Variants in HMG20A observed in about 807,000 individuals in gnomAD.
The protein encoded by HMG20A is high mobility group 20A.
In HMG20A, 17 loss-of-function variants were observed where a neutral mutation model predicts 43.9. That is an observed-to-expected ratio of 0.39 (90% CI 0.27 to 0.58). The LOEUF is 0.58. Among genes scored for constraint, HMG20A ranks in the 20% least tolerant of loss-of-function variants. The pLI is 0.59. For synonymous variants in HMG20A, 132 were observed against 147.5 expected (o/e 0.89, Z 0.76); for missense variants, 341 against 438.2 (o/e 0.78, Z 1.98).
chr15:77,501,919 T>C, the HMG20A span, among the ~76,000 whole-genome samples: 3 of 152,164 alleles, frequency 2.0e-5, no homozygotes, highest in East Asian at 1.9e-4. Context: ...GCCTTAACCA[T>C]GTATTCAATG....
chr15:77,501,593 C>A, the HMG20A span, among the ~76,000 whole-genome samples: 1 of 152,236 alleles, frequency 6.6e-6, no homozygotes, highest in Non-Finnish European at 1.5e-5. Context: ...CTATTCCCAT[C>A]ATTTAAAGCA....
intron 1 of HMG20A, among the ~76,000 whole-genome samples, chr15:77,443,379 G>GATGATT (rs576920554): frequency 0.019 from 2,512 of 131,258 alleles, 25 homozygotes; most frequent in Non-Finnish European, 0.025. Flanking sequence ...TGATGATGAT[G>GATGATT]ATTATTATTA....
At chr15:77,513,814 C>T in the HMG20A span, among the ~76,000 whole-genome samples, 1 of 151,960 alleles carries the variant, frequency 6.6e-6, no homozygotes, top group Non-Finnish European at 1.5e-5. Context: ...CAACCTCCAC[C>T]TCCCGGGTTC....
In HMG20A at chr15:77,471,825, A is replaced by G. The variant is rs1189695415; in HGVS notation, c.615+11A>G. Reference sequence around the variant, plus strand: ...ACTCATGATCATGAGGTAATTAGCCATCTGTCTACATATCATATATATGTA... The same window carrying G: ...ACTCATGATCATGAGGTAATTAGCCGTCTGTCTACATATCATATATATGTA... On this transcript the variant is annotated intron_variant, in intron 6 of 9. Coordinates refer to ENST00000336216, the MANE Select transcript of HMG20A (RefSeq NM_001304504.2). 1.3e-5 allele frequency: 19 copies of G among 1,477,500 alleles called. No homozygotes were observed. The highest frequency in any genetic ancestry group is 1.8e-5 in the Admixed American group (1 of 54,264). The allele number at this position is 1,477,500 out of a possible 1,614,324, so 91.5% of individuals were successfully genotyped here. A position where few individuals can be genotyped will look rare whatever the true frequency, so the allele number is the denominator to read the frequency against.
At chr15:77,513,118 G>A in the HMG20A span, among the ~76,000 whole-genome samples, 3 of 152,308 alleles carry the variant, frequency 2.0e-5, no homozygotes, top group East Asian at 1.9e-4. Flanking sequence ...AAATCAACAT[G>A]TAATCATGGA....
the HMG20A span, among the ~76,000 whole-genome samples, chr15:77,503,620 A>C: frequency 6.6e-6 from 1 of 152,100 alleles, no homozygotes. Context: ...CCAGAAAATG[A>C]GACCCAAAGA....
chr15:77,474,668 T>C (rs2072839212), intron 6 of HMG20A, among the ~76,000 whole-genome samples: 1 of 152,290 alleles, frequency 6.6e-6, no homozygotes, highest in South Asian at 2.1e-4. Context: ...GATCCCTAAG[T>C]CATTGTTACC....
At chr15:77,474,099 A>C (rs1469675967) in intron 6 of HMG20A, among the ~76,000 whole-genome samples, 1 of 152,202 alleles carries the variant, frequency 6.6e-6, no homozygotes, top group Non-Finnish European at 1.5e-5. Context: ...AAGTTCAGAA[A>C]AATAGCACTA....
intron 4 of HMG20A, among the ~76,000 whole-genome samples, chr15:77,468,594 CTG>C (rs1335646559): frequency 7.6e-6 from 1 of 132,434 alleles, no homozygotes; most frequent in Admixed American, 7.6e-5. Context: ...CTCTCTCTCT[CTG>C]TCACACACAC....
the HMG20A span, among the ~76,000 whole-genome samples, chr15:77,495,320 G>A: frequency 5.3e-4 from 80 of 152,284 alleles, no homozygotes; most frequent in African/African-American, 1.9e-3. Context: ...GGCTGAGGCG[G>A]GTGGATCACT....
At chr15:77,436,311 C>G (rs112293725) in intron 1 of HMG20A, among the ~76,000 whole-genome samples, 505 of 152,260 alleles carry the variant, frequency 3.3e-3, no homozygotes, top group Non-Finnish European at 6.0e-3. Context: ...TCTATTGATT[C>G]TACCTCCTAA....
intron 4 of HMG20A, among the ~76,000 whole-genome samples, chr15:77,468,597 T>TCACACACACACACACACA (rs141417839): frequency 2.7e-5 from 4 of 147,708 alleles, no homozygotes; most frequent in African/African-American, 7.5e-5. Context: ...TCTCTCTCTG[T>TCACACACACACACACACA]CACACACACA....
At chr15:77,478,819 CT>C (rs1380558008) in intron 8 of HMG20A, among the ~76,000 whole-genome samples, 1 of 152,096 alleles carries the variant, frequency 6.6e-6, no homozygotes, top group African/African-American at 2.4e-5. Context: ...AGTGTTTCTT[CT>C]TATGTATGTT....
chr15:77,457,170 GAAAT>G (rs1567399942), intron 1 of HMG20A, among the ~76,000 whole-genome samples: 4 of 152,172 alleles, frequency 2.6e-5, no homozygotes, highest in African/African-American at 4.8e-5. Context: ...TTATCTTTTG[GAAAT>G]AAATCACTCC....
Position 77,453,229 on chromosome 15 carries a change from T to TG in HMG20A, c.-4-5175_-4-5174insG, listed in dbSNP as rs554381749. ...ATGGACAACAGAATGATACTCTATC[T>TG]AAAAAATAATAATAATAATACAAAA... On this transcript the variant is annotated intron_variant, in intron 1 of 9. Coordinates refer to ENST00000336216, the MANE Select transcript of HMG20A (RefSeq NM_001304504.2). Among the ~76,000 whole-genome samples, 550 of 152,184 alleles carry TG rather than the reference T, an allele frequency of 3.6e-3. 2 individuals carry two copies. The highest frequency in any genetic ancestry group is 0.011 in the African/African-American group (441 of 41,522).
rs1555511711 is a variant in HMG20A, at chr15:77,484,490, C to G, written c.*1527C>G. 6.6e-6 allele frequency: 1 copy of G among 152,546 alleles called. No homozygotes were observed. The highest frequency in any genetic ancestry group is 1.5e-5 in the Non-Finnish European group (1 of 68,038). The allele number at this position is 152,546 out of a possible 1,614,324, so 9.4% of individuals were successfully genotyped here. On this transcript the variant is annotated 3_prime_UTR_variant, in exon 10 of 10. Transcript: ENST00000336216. The stretch of plus-strand genomic sequence containing the variant: ...CCCCTCTCATAGTATGCCCATAAGT[C>G]AGGGCATAGGGCAGAACTACCTGTC...
intron 1 of HMG20A, among the ~76,000 whole-genome samples, chr15:77,435,762 C>CA (rs1179119908): frequency 1.3e-5 from 2 of 151,776 alleles, no homozygotes; most frequent in African/African-American, 2.4e-5. Flanking sequence ...TCCATGTTGT[C>CA]AAAAAACTTG....
intron 1 of HMG20A, among the ~76,000 whole-genome samples, chr15:77,440,217 T>G (rs1006839815): frequency 3.3e-5 from 5 of 152,206 alleles, no homozygotes; most frequent in African/African-American, 1.2e-4. Context: ...TTCTCTAATG[T>G]GGTTAGTGCT....
At chr15:77,439,373 C>T (rs1448734811) in intron 1 of HMG20A, among the ~76,000 whole-genome samples, 1 of 152,054 alleles carries the variant, frequency 6.6e-6, no homozygotes, top group Non-Finnish European at 1.5e-5. Context: ...TTTCGTCACT[C>T]TAGGAGGCTC....
Sources: allele counts gnomAD v4.1 joint callset (sites outside exome capture counted in the v4.1 genomes callset), GRCh38; gene constraint gnomAD v4.1.1; transcripts MANE v1.5; gene names NCBI Gene and HGNC (gene_info 2026-07-23, HGNC 2026-07-21).